FKBP5: variants seen among roughly 807,000 people sequenced by gnomAD.
FKBP5 encodes peptidyl-prolyl cis-trans isomerase FKBP5.
Under a neutral mutation model 50.5 loss-of-function variants are expected in FKBP5, and 23 were observed. The observed-to-expected ratio is 0.46, with a 90% CI of 0.33 to 0.65. The LOEUF (loss-of-function observed/expected upper bound fraction) is 0.65. Among genes scored for constraint, FKBP5 ranks in the 30% least tolerant of loss-of-function variants. The pLI, the probability that FKBP5 is intolerant of heterozygous loss-of-function variation, is 0.02. For missense variants in FKBP5, 411 were observed against 553.1 expected (o/e 0.74, Z 2.58); for synonymous variants, 176 against 190.6 (o/e 0.92, Z 0.63).
upstream of FKBP5, among the ~76,000 whole-genome samples, chr6:35,690,921 G>A (rs1218099112): frequency 1.3e-5 from 2 of 151,712 alleles, no homozygotes; most frequent in East Asian, 2.0e-4. Flanking sequence ...CAGAAGAATC[G>A]CTTGAACCCG....
intron 5 of FKBP5, among the ~76,000 whole-genome samples, chr6:35,612,521 T>C (rs6457836): frequency 0.84 from 127,958 of 152,254 alleles, 53,899 homozygotes; most frequent in African/African-American, 0.88. Context: ...CACTCTTCTT[T>C]GTAACTGTTT....
chr6:35,708,153 G>T lies in FKBP5; in HGVS notation c.-20+12175C>A, dbSNP rs140699349. ...AAATATTCCCATATATGCCAAGGAA[G>T]TAGGTAGGTATAAAGATCTAGTTCC... On this transcript the variant is annotated intron_variant, in intron 2 of 11. Coordinates refer to the FKBP5 transcript ENST00000536438. Among the ~76,000 whole-genome samples the T allele has an allele frequency of 3.9e-5, 6 of 152,354 alleles. No homozygotes were observed. The East Asian group carries it at 9.6e-4, about 24-fold the overall frequency.
At chr6:35,649,416 A>G (rs1764724417) in intron 1 of FKBP5, among the ~76,000 whole-genome samples, 1 of 145,546 alleles carries the variant, frequency 6.9e-6, no homozygotes, top group Non-Finnish European at 1.5e-5. Flanking sequence ...TCTTATGAGT[A>G]AGTATTTGGC....
At chr6:35,687,332 G>A (rs1269984220) in intron 1 of FKBP5, among the ~76,000 whole-genome samples, 1 of 152,196 alleles carries the variant, frequency 6.6e-6, no homozygotes, top group African/African-American at 2.4e-5. Flanking sequence ...TCAGGCAGAG[G>A]TCAGCTGGGG....
intron 7 of FKBP5, among the ~76,000 whole-genome samples, chr6:35,588,021 TTATTATTATTA>T (rs1762663765): frequency 6.6e-6 from 1 of 151,436 alleles, no homozygotes; most frequent in African/African-American, 2.4e-5. Flanking sequence ...TTTATTATTA[TTATTATTATTA>T]TTTTTTTTTT....
At chr6:35,612,311 A>G (rs1456286997) in intron 5 of FKBP5, among the ~76,000 whole-genome samples, 1 of 152,184 alleles carries the variant, frequency 6.6e-6, no homozygotes, top group Non-Finnish European at 1.5e-5. Flanking sequence ...GAATCACCTG[A>G]ACCCGGAAGG....
chr6:35,667,509 T>C (rs370832269), intron 1 of FKBP5, among the ~76,000 whole-genome samples: 1 of 152,196 alleles, frequency 6.6e-6, no homozygotes, highest in East Asian at 1.9e-4. Flanking sequence ...TCCTCCATAA[T>C]TAATATTTAA....
chr6:35,601,326 G>T (rs1763137764), intron 5 of FKBP5, among the ~76,000 whole-genome samples: 1 of 152,172 alleles, frequency 6.6e-6, no homozygotes. Flanking sequence ...ACAGCCTCAT[G>T]GTGAATACAG....
At chr6:35,688,158 G>C (rs1765888599) in intron 1 of FKBP5, among the ~76,000 whole-genome samples, 1 of 152,236 alleles carries the variant, frequency 6.6e-6, no homozygotes, top group African/African-American at 2.4e-5. Flanking sequence ...GTTCCCCAAC[G>C]CTTGTCCCGA....
intron 2 of FKBP5, among the ~76,000 whole-genome samples, chr6:35,712,686 CA>C (rs879783788): frequency 2.6e-5 from 4 of 152,176 alleles, no homozygotes; most frequent in Admixed American, 6.6e-5. Flanking sequence ...TGCAAACCGC[CA>C]ACAGGTATCT....
intron 5 of FKBP5, among the ~76,000 whole-genome samples, chr6:35,608,267 C>T (rs1763388123): frequency 6.6e-6 from 1 of 152,172 alleles, no homozygotes; most frequent in East Asian, 1.9e-4. Context: ...TCTATGTTCA[C>T]TATCTGGATG....
At chr6:35,583,313 C>T in intron 8 of FKBP5, 5 of 985,250 alleles carry the variant, frequency 5.1e-6, no homozygotes, top group Non-Finnish European at 6.0e-6. Flanking sequence ...AAAGAAGAGC[C>T]AGGGAGGACA....
At chr6:35,582,241 A>C in intron 8 of FKBP5, 1 of 985,438 alleles carries the variant, frequency 1.0e-6, no homozygotes. Context: ...CATTCATAAG[A>C]ACACGAAACC....
chr6:35,636,902 A>G (rs1237424225), intron 3 of FKBP5, 112 bp downstream of exon 3: 2 of 939,520 alleles, frequency 2.1e-6, no homozygotes, highest in African/African-American at 3.5e-5. Context: ...TTCTTTGAGT[A>G]CTACTACTCT....
chr6:35,641,405 A>G (rs764252076), intron 2 of FKBP5, among the ~76,000 whole-genome samples: 3 of 152,232 alleles, frequency 2.0e-5, no homozygotes, highest in Non-Finnish European at 2.9e-5. Context: ...TGTACTATAC[A>G]TAACTGTGAC....
At position 35,715,669 on chromosome 6, in the gene FKBP5, G is replaced by A. The variant is rs146665694; in HGVS notation, c.-20+4659C>T. 4.6e-4 allele frequency among the ~76,000 whole-genome samples: 70 copies of A among 152,318 alleles called. No individual in the cohort carries two copies. The East Asian group carries it at 7.1e-3, about 16-fold the overall frequency. Reference sequence around the variant, plus strand: ...GAATTCCATGAGGCTGGAACTTAACGTGCAGCTGGGGGCAGGCTGCGAGTT... The same window carrying A: ...GAATTCCATGAGGCTGGAACTTAACATGCAGCTGGGGGCAGGCTGCGAGTT... On this transcript the variant is annotated intron_variant, in intron 2 of 11. Transcript: ENST00000536438.
intron 3 of FKBP5, among the ~76,000 whole-genome samples, chr6:35,620,750 G>A (rs895590103): frequency 1.3e-5 from 2 of 152,062 alleles, no homozygotes; most frequent in Non-Finnish European, 2.9e-5. Context: ...GTGAGACCCT[G>A]TCTCAAAAAG....
At chr6:35,642,901 A>C in intron 1 of FKBP5, 58 bp from the exon 2 acceptor site, 1 of 1,322,222 alleles carries the variant, frequency 7.6e-7, no homozygotes. Context: ...TGAATCTTGA[A>C]TGTCCCTGGG....
At chr6:35,611,226 CTATTAT>C (rs1763483979) in intron 5 of FKBP5, among the ~76,000 whole-genome samples, 1 of 152,184 alleles carries the variant, frequency 6.6e-6, no homozygotes, top group Admixed American at 6.5e-5. Context: ...CTTTCCAGCA[CTATTAT>C]TGATCTCTTC....
Sources: allele counts gnomAD v4.1 joint callset (sites outside exome capture counted in the v4.1 genomes callset), GRCh38; gene constraint gnomAD v4.1.1; transcripts MANE v1.5; gene names NCBI Gene and HGNC (gene_info 2026-07-23, HGNC 2026-07-21).